Variants in CD81 observed in about 807,000 individuals in gnomAD.
CD81 encodes CD81 molecule, also known as CD81 antigen.
Under a neutral mutation model 30.1 loss-of-function variants are expected in CD81, and 10 were observed. The ratio of observed to expected loss-of-function variants is 0.33; its 90% CI spans 0.21 to 0.56. The LOEUF is 0.56. Ranked by LOEUF, CD81 falls within the 20% of genes least tolerant of loss-of-function variation. CD81 has a pLI of 0.89. For missense variants in CD81, 263 were observed against 308.7 expected, an observed-to-expected ratio of 0.85 and a Z score of 1.11; for synonymous variants, 147 against 126.4, an observed-to-expected ratio of 1.16 and a Z score of -1.10.
Position 2,377,518 on chromosome 11 carries a change from C to A in CD81, c.-32C>A. On this transcript the variant is annotated 5_prime_UTR_variant, in exon 1 of 8. Transcript: ENST00000263645. This position sits in a 1 kb window ranked among gnomAD's most constrained non-coding sequence, Gnocchi z 7.7. ...CCGCCCGCCGCCCAGGACCGGCCCG[C>A]GCCCCGCAGGCCGCCCGCCGCCCGC... The A allele has an allele frequency of 4.8e-6, 6 of 1,250,650 alleles. No homozygotes were observed. The highest frequency in any genetic ancestry group is 6.2e-6 in the Non-Finnish European group (6 of 962,808). The allele number at this position is 1,250,650 out of a possible 1,614,324, so 77.5% of individuals were successfully genotyped here. A position where few individuals can be genotyped will look rare whatever the true frequency, so the allele number is the denominator to read the frequency against.
chr11:2,379,151 G>C (rs1849656302), intron 1 of CD81: 1 of 455,886 alleles, frequency 2.2e-6, no homozygotes, highest in South Asian at 1.5e-5. Flanking sequence ...ATGTGGGAGA[G>C]GCACCAGACA....
rs947206931 is a variant in CD81 at position 2,397,127 on chromosome 11, G to C, written c.*261G>C. 2 of 532,146 alleles carry C rather than the reference G, an allele frequency of 3.8e-6. No individual in the cohort carries two copies. The highest frequency in any genetic ancestry group is 3.2e-5 in the Admixed American group (1 of 31,608). 33.0% of individuals were successfully genotyped at this position (532,146 alleles called of 1,614,324 possible). A position where few individuals can be genotyped will look rare whatever the true frequency, so the allele number is the denominator to read the frequency against. ...AGGGCAGGGGTCCTTCTGCCCTGGG[G>C]TCCCAGGGTGCTCTGCCTGCTCAGC... On this transcript the variant is annotated 3_prime_UTR_variant, in exon 8 of 8. Coordinates refer to ENST00000263645, the MANE Select transcript of CD81 (RefSeq NM_004356.4).
At chr11:2,390,650 G>A in intron 2 of CD81, 124 bp downstream of exon 2, 1 of 753,170 alleles carries the variant, frequency 1.3e-6, no homozygotes, top group Non-Finnish European at 2.3e-6. Flanking sequence ...GGGCAGGGAG[G>A]CGGCCCTGGA....
Position 2,378,144 on chromosome 11 carries a change from C to G in CD81, c.66+529C>G, listed in dbSNP as rs949200546. ...TGGGGGCGATCCGCCTCACTCTTTC[C>G]CCAGCCCAGCTCACTCTCCAATCTG... is the stretch of plus-strand genomic sequence containing the variant. On this transcript the variant is annotated intron_variant, in intron 1 of 7. Transcript: ENST00000263645. This position sits in a 1 kb window ranked among gnomAD's most constrained non-coding sequence, Gnocchi z 4.9. Among the ~76,000 whole-genome samples the G allele has an allele frequency of 1.3e-5, 2 of 152,104 alleles. No homozygotes were observed. The highest frequency in any genetic ancestry group is 2.9e-5 in the Non-Finnish European group (2 of 67,996).
rs1158394308 is a variant in CD81 at position 2,377,323 on chromosome 11, G to C, written c.-227G>C. ...AGGCGCGCGCCCGGCCAGAGAGCGA[G>C]CGCGCAACGGCGGCGACGGCGGCGA... On this transcript the variant is annotated 5_prime_UTR_variant, in exon 1 of 8. Coordinates refer to ENST00000263645, the MANE Select transcript of CD81 (RefSeq NM_004356.4). The surrounding 1 kb of genome is among the most constrained non-coding windows in gnomAD (Gnocchi z 7.7). 6.6e-6 allele frequency: 1 copy of C among 150,972 alleles called. No homozygotes were observed. Among genetic ancestry groups the C allele is most frequent in the African/African-American group, 2.4e-5 (1 of 41,124 alleles). 9.4% of individuals were successfully genotyped at this position (150,972 alleles called of 1,614,324 possible).
chr11:2,383,467 G>C (rs1308667565), intron 1 of CD81, among the ~76,000 whole-genome samples: 1 of 152,156 alleles, frequency 6.6e-6, no homozygotes, highest in East Asian at 1.9e-4. Flanking sequence ...GAAGCACCTT[G>C]GTGAGCCCCT....
At chr11:2,383,643 G>T (rs1426747849) in intron 1 of CD81, among the ~76,000 whole-genome samples, 2 of 152,152 alleles carry the variant, frequency 1.3e-5, no homozygotes, top group Non-Finnish European at 2.9e-5. Context: ...CTAGGTGTCG[G>T]TGAGCAGGCA....
At chr11:2,389,209 G>A (rs1022472274) in intron 1 of CD81, among the ~76,000 whole-genome samples, 2 of 152,152 alleles carry the variant, frequency 1.3e-5, no homozygotes, top group African/African-American at 2.4e-5. Context: ...CCCCCACCCT[G>A]TCTAGCAGGG....
At chr11:2,390,183 G>A in intron 1 of CD81, 1 of 629,998 alleles carries the variant, frequency 1.6e-6, no homozygotes. Context: ...ACACTCCACA[G>A]GTGCAGGGCA....
chr11:2,389,564 G>T (rs550653901), intron 1 of CD81, among the ~76,000 whole-genome samples: 1 of 152,078 alleles, frequency 6.6e-6, no homozygotes, highest in African/African-American at 2.4e-5. Context: ...CGGATGACCC[G>T]GCGTTGAAGG....
chr11:2,395,636 G>A, intron 5 of CD81, 116 bp downstream of exon 5: 1 of 843,352 alleles, frequency 1.2e-6, no homozygotes, highest in South Asian at 1.4e-5. Context: ...GTGCCCTTGG[G>A]ACCTCCAGGA....
At chr11:2,380,779 TAA>T (rs953643293) in intron 1 of CD81, among the ~76,000 whole-genome samples, 3 of 152,116 alleles carry the variant, frequency 2.0e-5, no homozygotes, top group African/African-American at 7.2e-5. Flanking sequence ...GTAATGGATA[TAA>T]GAGTCTTCTC....
At chr11:2,385,786 C>T (rs778190859) in intron 1 of CD81, 2 of 603,966 alleles carry the variant, frequency 3.3e-6, no homozygotes, top group African/African-American at 1.8e-5. Context: ...AGCGACGGAC[C>T]CCAGGTTCAC....
At chr11:2,391,129 G>C in intron 2 of CD81, 1 of 209,072 alleles carries the variant, frequency 4.8e-6, no homozygotes, top group East Asian at 1.1e-4. Context: ...AGGAGGAGGA[G>C]GGCCATCTCA....
At chr11:2,390,948 G>C (rs1344908475) in intron 2 of CD81, 2 of 299,848 alleles carry the variant, frequency 6.7e-6, no homozygotes, top group African/African-American at 4.3e-5. Flanking sequence ...GGGCAGGGGA[G>C]GGGTGGAGAG....
At chr11:2,379,984 G>C (rs1849678131) in intron 1 of CD81, among the ~76,000 whole-genome samples, 1 of 152,150 alleles carries the variant, frequency 6.6e-6, no homozygotes, top group Non-Finnish European at 1.5e-5. Flanking sequence ...CCAACACACT[G>C]CTCTGGTCCT....
intron 1 of CD81, chr11:2,379,109 G>A (rs916109987): frequency 2.0e-4 from 90 of 454,382 alleles, no homozygotes; most frequent in African/African-American, 1.5e-3. Context: ...GACCTCAGCC[G>A]TTGCTTAGTG....
chr11:2,380,978 G>GACATACCAGACACTGGTATGT (rs1357352568), intron 1 of CD81, among the ~76,000 whole-genome samples: 5 of 152,220 alleles, frequency 3.3e-5, no homozygotes, highest in Non-Finnish European at 7.3e-5. Context: ...GGTATTTCTC[G>GACATACCAGACACTGGTATGT]CTTCCAGACA....
At chr11:2,389,690 C>A (rs1849861809) in intron 1 of CD81, among the ~76,000 whole-genome samples, 1 of 152,126 alleles carries the variant, frequency 6.6e-6, no homozygotes, top group Non-Finnish European at 1.5e-5. Flanking sequence ...TTCCCCCAGC[C>A]CATCTTGGAA....
Sources: gnomAD v4.1 joint callset for allele counts (sites outside exome capture counted in the v4.1 genomes callset) on GRCh38, gnomAD v4.1.1 for gene constraint, Gnocchi (gnomAD v3.1) non-coding constraint, MANE v1.5 for transcripts, NCBI Gene and HGNC (gene_info 2026-07-23, HGNC 2026-07-21) for gene names.